Variants in MPPED1 observed in about 807,000 individuals in gnomAD.
The protein encoded by MPPED1 is metallophosphoesterase domain containing 1.
Under a neutral mutation model 36.2 loss-of-function variants are expected in MPPED1, and 16 were observed. The observed-to-expected ratio is 0.44, with a 90% CI of 0.30 to 0.67. The LOEUF (loss-of-function observed/expected upper bound fraction) is 0.67, where lower values mean the gene tolerates loss of function less well. Ranked by LOEUF, MPPED1 falls within the 30% of genes least tolerant of loss-of-function variation. The pLI is 0.10. For missense variants in MPPED1, 307 were observed against 453.4 expected (o/e 0.68, Z 2.93); for synonymous variants, 199 against 191.3 (o/e 1.04, Z -0.33).
chr22:43,474,699 CT>C lies in MPPED1; in HGVS notation c.407-36del. Reference sequence around the variant, plus strand: ...CTGTGGCTTCTGGACAAGCTGACGGCTGTGTGCTGTGTGTCTGTCTGTGTCC... The same window carrying C: ...CTGTGGCTTCTGGACAAGCTGACGGCGTGTGCTGTGTGTCTGTCTGTGTCC... On this transcript the variant is annotated intron_variant, in intron 3 of 6. Coordinates refer to ENST00000443721, the MANE Select transcript of MPPED1 (RefSeq NM_001044370.2). The surrounding 1 kb of genome is among the most constrained non-coding windows in gnomAD (Gnocchi z 5.2). 1 of 1,604,564 alleles carries C rather than the reference CT, an allele frequency of 6.2e-7. No individual in the cohort carries two copies. Among genetic ancestry groups the C allele is most frequent in the Non-Finnish European group, 8.5e-7 (1 of 1,171,786 alleles).
At chr22:43,503,487 T>C (rs1031382640) in intron 6 of MPPED1, among the ~76,000 whole-genome samples, 5 of 152,182 alleles carry the variant, frequency 3.3e-5, no homozygotes, top group Non-Finnish European at 5.9e-5. Context: ...CTCCGGAACC[T>C]GTGTCTGGTT....
intron 4 of MPPED1, among the ~76,000 whole-genome samples, chr22:43,495,563 G>A (rs1932273130): frequency 6.5e-5 from 8 of 122,240 alleles, no homozygotes; most frequent in South Asian, 2.8e-4. Context: ...GATGGTGGTG[G>A]TGGAGGTGAT....
intron 5 of MPPED1, among the ~76,000 whole-genome samples, chr22:43,499,175 G>A (rs919441133): frequency 3.3e-5 from 5 of 151,444 alleles, no homozygotes; most frequent in African/African-American, 1.2e-4. Flanking sequence ...GATGGTGGGA[G>A]GTGGAGATGG....
chr22:43,431,037 T>G (rs1929665062), intron 2 of MPPED1, among the ~76,000 whole-genome samples: 1 of 85,680 alleles, frequency 1.2e-5, no homozygotes, highest in Non-Finnish European at 2.2e-5. Context: ...TTTTTTTTTT[T>G]TTTTTTTTTT....
intron 3 of MPPED1, among the ~76,000 whole-genome samples, chr22:43,452,289 C>T (rs1047596309): frequency 6.6e-6 from 1 of 152,156 alleles, no homozygotes; most frequent in Non-Finnish European, 1.5e-5. Context: ...GCTGGGATTA[C>T]AGGTGTGAGC....
chr22:43,414,436 A>G (rs1213963961), intron 1 of MPPED1, among the ~76,000 whole-genome samples: 6 of 152,152 alleles, frequency 3.9e-5, no homozygotes, highest in Non-Finnish European at 8.8e-5. Flanking sequence ...GACTTCTGGA[A>G]AAAAAGAAAA....
At chr22:43,428,890 G>A (rs1280781750) in intron 2 of MPPED1, among the ~76,000 whole-genome samples, 2 of 152,058 alleles carry the variant, frequency 1.3e-5, no homozygotes, top group South Asian at 2.1e-4. Context: ...CGGACCACTG[G>A]CCTGGTGGTC....
chr22:43,490,022 A>G (rs1298329871), intron 4 of MPPED1, among the ~76,000 whole-genome samples: 2 of 152,300 alleles, frequency 1.3e-5, no homozygotes, highest in East Asian at 1.9e-4. Flanking sequence ...CATTAACCCC[A>G]TCTTTACACA....
intron 4 of MPPED1, among the ~76,000 whole-genome samples, chr22:43,495,932 ATGGTGGAGGTAGTGG>A (rs1932313511): frequency 4.6e-5 from 1 of 21,656 alleles, no homozygotes; most frequent in Non-Finnish European, 1.0e-4. Flanking sequence ...GGTGGAGGTG[ATGGTGGAGGTAGTGG>A]TGGTGGAGGT....
At chr22:43,503,637 C>T (rs78006809) in intron 6 of MPPED1, among the ~76,000 whole-genome samples, 2 of 152,350 alleles carry the variant, frequency 1.3e-5, no homozygotes, top group African/African-American at 2.4e-5. Context: ...TCAGACCTCA[C>T]CTGGCCCTGG....
rs1569067638 is a variant in MPPED1, at chr22:43,432,916, GGGAGGAGAGAGAGAGGGAAAGAGAGAGAA to G, written c.225-2117_225-2089del. Among the ~76,000 whole-genome samples, 7 of 97,608 alleles carry G rather than the reference GGGAGGAGAGAGAGAGGGAAAGAGAGAGAA, an allele frequency of 7.2e-5. No homozygotes were observed. In the South Asian group the frequency reaches 1.1e-3, roughly 16 times the overall value. 64.0% of individuals were successfully genotyped at this position (97,608 alleles called of 152,430 possible). On this transcript the variant is annotated intron_variant, in intron 2 of 6. Coordinates refer to ENST00000443721, the MANE Select transcript of MPPED1 (RefSeq NM_001044370.2). ...GAGGAGAGAGAGAGGGAAAGAGAAA[GGGAGGAGAGAGAGAGGGAAAGAGAGAGAA>G]AGGGAGGAGAGAGAGAGGGAGAGAA...
intron 4 of MPPED1, among the ~76,000 whole-genome samples, chr22:43,477,553 C>T (rs1280520118): frequency 6.6e-6 from 1 of 152,236 alleles, no homozygotes; most frequent in Non-Finnish European, 1.5e-5. Context: ...GTTGGTGCCA[C>T]ATGGTGGCCA....
intron 6 of MPPED1, among the ~76,000 whole-genome samples, chr22:43,503,112 C>T (rs1335068315): frequency 6.6e-6 from 1 of 152,166 alleles, no homozygotes; most frequent in African/African-American, 2.4e-5. Context: ...TTGGTGGGCA[C>T]ACCATGAATC....
At chr22:43,461,095 G>A (rs1349378779) in intron 3 of MPPED1, among the ~76,000 whole-genome samples, 1 of 152,146 alleles carries the variant, frequency 6.6e-6, no homozygotes, top group Non-Finnish European at 1.5e-5. Context: ...TGGGTGCAGT[G>A]GCACACACCT....
At chr22:43,426,587 G>A (rs6003194) in intron 2 of MPPED1, among the ~76,000 whole-genome samples, 2 of 152,200 alleles carry the variant, frequency 1.3e-5, no homozygotes, top group African/African-American at 2.4e-5. Flanking sequence ...AGTTGACGGG[G>A]TTTCGAAACC....
chr22:43,471,591 C>G (rs1216815297), intron 3 of MPPED1, among the ~76,000 whole-genome samples: 2 of 152,228 alleles, frequency 1.3e-5, no homozygotes, highest in Non-Finnish European at 2.9e-5. Context: ...ACCAGCGGTC[C>G]AGAAGTGGCC....
rs1418579623 is a variant in MPPED1 at position 43,432,880 on chromosome 22, A to AGG, written c.225-2154_225-2153insGG. 1.8e-3 allele frequency among the ~76,000 whole-genome samples: 25 copies of AGG among 13,964 alleles called. 3 individuals carry two copies. The South Asian group carries it at 0.028, about 16-fold the overall frequency. 9.2% of individuals were successfully genotyped at this position (13,964 alleles called of 152,430 possible). On this transcript the variant is annotated intron_variant, in intron 2 of 6. Transcript: ENST00000443721. ...AGAGAAAGGGAGGAGAGAGAGAGGG[A>AGG]AAGAGAAAGGGAGGAGAGAGAGAGG...
intron 4 of MPPED1, among the ~76,000 whole-genome samples, chr22:43,484,710 GC>G (rs1472250396): frequency 1.3e-5 from 2 of 152,122 alleles, no homozygotes; most frequent in Admixed American, 1.3e-4. Flanking sequence ...GTCAGGAATT[GC>G]CCCACCTGCT....
At chr22:43,444,360 CTATCT>C (rs1308086208) in intron 3 of MPPED1, among the ~76,000 whole-genome samples, 70 of 131,594 alleles carry the variant, frequency 5.3e-4, no homozygotes, top group Middle Eastern at 4.1e-3. Flanking sequence ...TTCTTTCTAT[CTATCT>C]TTTTTTTTTT....
Sources: allele counts gnomAD v4.1 joint callset (sites outside exome capture counted in the v4.1 genomes callset), GRCh38; gene constraint gnomAD v4.1.1; non-coding constraint Gnocchi (gnomAD v3.1); transcripts MANE v1.5; gene names NCBI Gene and HGNC (gene_info 2026-07-23, HGNC 2026-07-21).